The following EBF1 variants were observed in gnomAD, a reference collection of about 807,000 sequenced individuals.
EBF1 encodes the protein transcription factor COE1.
In EBF1, 10 loss-of-function variants were observed where a neutral mutation model predicts 68.4. The ratio of observed to expected loss-of-function variants is 0.15; its 90% CI spans 0.09 to 0.25. The LOEUF (loss-of-function observed/expected upper bound fraction) is 0.25, where lower values mean the gene tolerates loss of function less well. Ranked by LOEUF, EBF1 falls within the 10% of genes least tolerant of loss-of-function variation. The pLI, the probability that EBF1 is intolerant of heterozygous loss-of-function variation, is 1.00. For missense variants in EBF1, 509 were observed against 794.4 expected (o/e 0.64, Z 4.32); for synonymous variants, 298 against 299.8 (o/e 0.99, Z 0.06).
At chr5:159,072,044 G>A (rs1777879180) in intron 6 of EBF1, among the ~76,000 whole-genome samples, 1 of 152,218 alleles carries the variant, frequency 6.6e-6, no homozygotes, top group Admixed American at 6.5e-5. Context: ...TATATGAACA[G>A]TATATCTGCT....
intron 6 of EBF1, among the ~76,000 whole-genome samples, chr5:159,027,581 C>T (rs536712776): frequency 1.3e-5 from 2 of 152,278 alleles, no homozygotes; most frequent in East Asian, 1.9e-4. Context: ...GTCACCTGAC[C>T]CTAGATATTC....
intron 6 of EBF1, among the ~76,000 whole-genome samples, chr5:158,976,925 G>T (rs768273950): frequency 6.6e-6 from 1 of 152,206 alleles, no homozygotes; most frequent in African/African-American, 2.4e-5. Flanking sequence ...AGGGTGGAAA[G>T]TTACAGCAGA....
intron 8 of EBF1, among the ~76,000 whole-genome samples, chr5:158,821,085 T>C (rs570033088): frequency 1.3e-5 from 2 of 152,282 alleles, no homozygotes; most frequent in South Asian, 2.1e-4. Context: ...CTTGCCTGTC[T>C]TCTCAGCCTC....
In EBF1 at chr5:159,096,514, C is replaced by A. The variant is rs7442701; in HGVS notation, c.292-108G>T. On this transcript the variant is annotated intron_variant, in intron 2 of 15. Coordinates refer to ENST00000313708, the MANE Select transcript of EBF1 (RefSeq NM_024007.5). The stretch of plus-strand genomic sequence containing the variant: ...TTCCCCAAGCCGGGACCCCCGCTGG[C>A]GAGCCAGGCAGCCACGGTAGCAGCA... 1.8e-5 allele frequency: 23 copies of A among 1,293,512 alleles called. No homozygotes were observed. In the Admixed American group the frequency reaches 3.0e-4, roughly 17 times the overall value. 80.1% of individuals were successfully genotyped at this position (1,293,512 alleles called of 1,614,324 possible).
At chr5:158,727,241 C>A (rs528246361) in intron 11 of EBF1, among the ~76,000 whole-genome samples, 2 of 152,212 alleles carry the variant, frequency 1.3e-5, no homozygotes, top group Non-Finnish European at 2.9e-5. Flanking sequence ...AGCTGACACG[C>A]CTGACGCCAG....
At chr5:158,750,266 G>C (rs1456015313) in intron 10 of EBF1, among the ~76,000 whole-genome samples, 1 of 152,082 alleles carries the variant, frequency 6.6e-6, no homozygotes, top group Non-Finnish European at 1.5e-5. Context: ...TCTTAAAGGA[G>C]AGCTGTTCCC....
intron 6 of EBF1, among the ~76,000 whole-genome samples, chr5:158,851,235 C>G (rs1350921740): frequency 1.3e-5 from 2 of 150,842 alleles, no homozygotes; most frequent in African/African-American, 4.9e-5. Flanking sequence ...ATTAGCCAGG[C>G]GTGGTGGTGC....
At chr5:158,805,017 T>A (rs1781312840) in intron 8 of EBF1, among the ~76,000 whole-genome samples, 1 of 152,130 alleles carries the variant, frequency 6.6e-6, no homozygotes, top group African/African-American at 2.4e-5. Flanking sequence ...ATAACTCTCT[T>A]CATCCTGACA....
intron 6 of EBF1, 134 bp from the exon 7 acceptor site, chr5:158,840,244 C>G: frequency 1.5e-6 from 1 of 658,604 alleles, no homozygotes; most frequent in Non-Finnish European, 2.6e-6. Flanking sequence ...GGTGTTAGAG[C>G]CAATATTTCA....
chr5:159,086,447 C>T lies in EBF1; in HGVS notation c.412-1708G>A, dbSNP rs907509096. 2.0e-5 allele frequency among the ~76,000 whole-genome samples: 3 copies of T among 152,290 alleles called. No homozygotes were observed. In the East Asian group the frequency reaches 5.8e-4, roughly 29 times the overall value. On this transcript the variant is annotated intron_variant, in intron 4 of 15. Transcript: ENST00000313708. ...AATCCAATGCTGCATCCAGTTATCA[C>T]GTCTCCTTTAATATGGAACATTTCT...
chr5:158,740,796 G>A (rs1561795307), intron 10 of EBF1, among the ~76,000 whole-genome samples: 1 of 152,148 alleles, frequency 6.6e-6, no homozygotes, highest in Non-Finnish European at 1.5e-5. Flanking sequence ...ATCCTAAGAA[G>A]TCTCCTCCCC....
chr5:158,917,418 AG>A (rs1807446819), intron 6 of EBF1, among the ~76,000 whole-genome samples: 1 of 152,190 alleles, frequency 6.6e-6, no homozygotes, highest in African/African-American at 2.4e-5. Context: ...AAACCTCCAA[AG>A]TAATAACAAC....
chr5:159,087,355 C>T lies in EBF1; in HGVS notation c.412-2616G>A, dbSNP rs373780486. Among the ~76,000 whole-genome samples the T allele has an allele frequency of 3.0e-3, 347 of 116,706 alleles. 3 individuals are homozygous for T. The highest frequency in any genetic ancestry group is 0.011 in the African/African-American group (300 of 26,586). 76.6% of individuals were successfully genotyped at this position (116,706 alleles called of 152,430 possible). ...ATATATACACACACATATATATATA[C>T]ACATATATATATACACACATATATA... On this transcript the variant is annotated intron_variant, in intron 4 of 15. Transcript: ENST00000313708.
intron 5 of EBF1, among the ~76,000 whole-genome samples, chr5:159,078,956 T>C (rs555541222): frequency 2.3e-3 from 353 of 152,300 alleles, no homozygotes; most frequent in African/African-American, 8.3e-3. Context: ...GACATGGAAC[T>C]TTTTCCTATG....
At chr5:159,097,245 C>T in intron 1 of EBF1, 115 bp from the exon 2 acceptor site, 1 of 1,225,004 alleles carries the variant, frequency 8.2e-7, no homozygotes. Flanking sequence ...CCCAAAACAT[C>T]CAGTGGGCGC....
chr5:158,756,798 G>A (rs938161088), intron 10 of EBF1, among the ~76,000 whole-genome samples: 2 of 151,862 alleles, frequency 1.3e-5, no homozygotes, highest in African/African-American at 2.4e-5. Flanking sequence ...AGAACAGTGT[G>A]AAATTCATGC....
At chr5:159,002,461 T>G (rs1423990958) in intron 6 of EBF1, among the ~76,000 whole-genome samples, 1 of 152,202 alleles carries the variant, frequency 6.6e-6, no homozygotes, top group East Asian at 1.9e-4. Flanking sequence ...GTGTAGTTCA[T>G]TAATGTGAGA....
chr5:158,739,290 G>A (rs569512325), intron 10 of EBF1, among the ~76,000 whole-genome samples: 1 of 152,214 alleles, frequency 6.6e-6, no homozygotes. Context: ...TCTAAAATGG[G>A]AAGTAGGTGA....
Position 158,778,897 on chromosome 5 carries a change from C to G in EBF1, c.910-1358G>C, listed in dbSNP as rs137894370. ...CTATTTATCCCTGTACTAAATGGCT[C>G]CAGGTTTCTAAGATTTTGAAATTAT... On this transcript the variant is annotated intron_variant, in intron 9 of 15. Coordinates refer to ENST00000313708, the MANE Select transcript of EBF1 (RefSeq NM_024007.5). 4.0e-3 allele frequency among the ~76,000 whole-genome samples: 604 copies of G among 152,218 alleles called. 3 individuals are homozygous for G. Among genetic ancestry groups the G allele is most frequent in the Non-Finnish European group, 6.3e-3 (428 of 68,008 alleles).
Sources: gnomAD v4.1 joint callset for allele counts (sites outside exome capture counted in the v4.1 genomes callset) on GRCh38, gnomAD v4.1.1 for gene constraint, MANE v1.5 for transcripts, NCBI Gene and HGNC (gene_info 2026-07-23, HGNC 2026-07-21) for gene names.